IL16: variants seen among roughly 807,000 people sequenced by gnomAD.
The protein encoded by IL16 is interleukin 16, also known as pro-interleukin-16.
Under a neutral mutation model 110.1 loss-of-function variants are expected in IL16, and 67 were observed. The observed-to-expected ratio is 0.61, with a 90% confidence interval of 0.50 to 0.75. The LOEUF is 0.75. IL16 is among the 30% of genes least tolerant of loss of function. The pLI is 0.00. For missense variants in IL16, 1,545 were observed against 1,655.0 expected (o/e 0.93, Z 1.15); for synonymous variants, 689 against 662.9 (o/e 1.04, Z -0.61).
chr15:81,307,154 T>A (rs1367601113), intron 18 of IL16, among the ~76,000 whole-genome samples: 1 of 152,192 alleles, frequency 6.6e-6, no homozygotes, highest in East Asian at 1.9e-4. Flanking sequence ...GTGGCTACCA[T>A]GTAAAACCAT....
Position 81,313,557 on chromosome 15 carries a change from C to G in IL16, c.*4759C>G. 1 of 581,136 alleles carries G rather than the reference C, an allele frequency of 1.7e-6. No homozygotes were observed. The highest frequency in any genetic ancestry group is 1.9e-5 in the African/African-American group (1 of 52,120). The allele number at this position is 581,136 out of a possible 1,614,324, so 36.0% of individuals were successfully genotyped here. A position where few individuals can be genotyped will look rare whatever the true frequency, so the allele number is the denominator to read the frequency against. ...TGTGCCCTCCACCCAGGAGTCCTCT[C>G]TGGACCTGCTGATTTTCAGGATGGA... On this transcript the variant is annotated 3_prime_UTR_variant, in exon 19 of 19. Coordinates refer to ENST00000683961, the MANE Select transcript of IL16 (RefSeq NM_172217.5).
At chr15:81,224,355 T>C (rs1483531432) in intron 1 of IL16, among the ~76,000 whole-genome samples, 1 of 152,208 alleles carries the variant, frequency 6.6e-6, no homozygotes, top group East Asian at 1.9e-4. Context: ...GTCAGAACTT[T>C]TTAGGATACA....
rs1166210168 is a variant in IL16 at position 81,204,074 on chromosome 15, CTT to C, written c.-102+6924_-102+6925del. Among the ~76,000 whole-genome samples the C allele has an allele frequency of 5.9e-5, 9 of 151,818 alleles. No individual in the cohort carries two copies. The East Asian group carries it at 1.6e-3, about 26-fold the overall frequency. ...GTTGGATTCCTAGGTATTTTATTCT[CTT>C]TGAAGCAATTGTGAATGGGAGTTCA... On this transcript the variant is annotated intron_variant, in intron 1 of 18. Coordinates refer to ENST00000683961, the MANE Select transcript of IL16 (RefSeq NM_172217.5).
intron 1 of IL16, among the ~76,000 whole-genome samples, chr15:81,219,618 G>T (rs1896548798): frequency 1.3e-5 from 2 of 152,136 alleles, no homozygotes; most frequent in South Asian, 2.1e-4. Context: ...CCTGTGAGGG[G>T]CTTCTCCAGG....
chr15:81,232,050 T>TTTTG (rs1897017098), intron 2 of IL16, among the ~76,000 whole-genome samples: 1 of 116,294 alleles, frequency 8.6e-6, no homozygotes, highest in Non-Finnish European at 1.9e-5. Context: ...TTGTTTTTTT[T>TTTTG]TTTTTTTTTT....
chr15:81,219,409 C>G (rs929262568), intron 1 of IL16, among the ~76,000 whole-genome samples: 4 of 151,880 alleles, frequency 2.6e-5, no homozygotes, highest in African/African-American at 9.7e-5. Context: ...CTCCTTCTTG[C>G]GATTGACTAT....
At chr15:81,200,479 C>T (rs1895768826) in intron 1 of IL16, among the ~76,000 whole-genome samples, 1 of 152,260 alleles carries the variant, frequency 6.6e-6, no homozygotes, top group South Asian at 2.1e-4. Context: ...AGGTGATTCT[C>T]CCCCTTCAGC....
chr15:81,194,296 A>C (rs1895545168), upstream of IL16, among the ~76,000 whole-genome samples: 1 of 152,180 alleles, frequency 6.6e-6, no homozygotes, highest in Non-Finnish European at 1.5e-5. Context: ...TTTGAACAGA[A>C]TAGGAGATGA....
chr15:81,203,731 A>G (rs1409733730), intron 1 of IL16, among the ~76,000 whole-genome samples: 1 of 152,162 alleles, frequency 6.6e-6, no homozygotes, highest in East Asian at 1.9e-4. Context: ...GCAGCCTTGT[A>G]GTATAGTTTG....
chr15:81,194,848 G>A (rs2141930418), upstream of IL16, among the ~76,000 whole-genome samples: 1 of 152,224 alleles, frequency 6.6e-6, no homozygotes, highest in Admixed American at 6.5e-5. Flanking sequence ...TTTCATCGTA[G>A]CAAACTAAGG....
intron 2 of IL16, among the ~76,000 whole-genome samples, chr15:81,227,164 G>T (rs535179617): frequency 6.6e-6 from 1 of 152,212 alleles, no homozygotes; most frequent in African/African-American, 2.4e-5. Flanking sequence ...CCTTCATTCA[G>T]TAAATACTTA....
At chr15:81,221,708 G>A (rs1460885030) in intron 1 of IL16, among the ~76,000 whole-genome samples, 1 of 151,862 alleles carries the variant, frequency 6.6e-6, no homozygotes, top group Non-Finnish European at 1.5e-5. Flanking sequence ...ATAATGACAA[G>A]GCTCATTTTG....
At chr15:81,267,207 G>T (rs1473917011) in intron 4 of IL16, among the ~76,000 whole-genome samples, 1 of 152,166 alleles carries the variant, frequency 6.6e-6, no homozygotes, top group South Asian at 2.1e-4. Flanking sequence ...GGGAACAGGA[G>T]GCCTACCTGG....
Position 81,264,416 on chromosome 15 carries a change from A to G in IL16, c.422-1243A>G, listed in dbSNP as rs1338340870. ...CCCCTTTTAGGGATCTCACACCCTCAGAGATACCACTCCTCTTTTCTTCTC... is the reference window on the plus strand; with the variant it reads ...CCCCTTTTAGGGATCTCACACCCTCGGAGATACCACTCCTCTTTTCTTCTC... On this transcript the variant is annotated intron_variant, in intron 3 of 18. Coordinates refer to ENST00000683961, the MANE Select transcript of IL16 (RefSeq NM_172217.5). Among the ~76,000 whole-genome samples, 3 of 152,202 alleles carry G rather than the reference A, an allele frequency of 2.0e-5. No individual in the cohort carries two copies. The East Asian group carries it at 5.8e-4, about 29-fold the overall frequency.
chr15:81,239,279 C>T (rs751287023), intron 2 of IL16, among the ~76,000 whole-genome samples: 3 of 152,156 alleles, frequency 2.0e-5, no homozygotes, highest in Non-Finnish European at 4.4e-5. Context: ...TTAGGATTAG[C>T]ATGTAGTTCT....
Position 81,285,553 on chromosome 15 carries a change from G to A in IL16, c.1200-145G>A, listed in dbSNP as rs987518692. The A allele has an allele frequency of 6.5e-6, 5 of 771,834 alleles. No individual in the cohort carries two copies. The African/African-American group carries it at 8.8e-5, about 14-fold the overall frequency. 47.8% of individuals were successfully genotyped at this position (771,834 alleles called of 1,614,324 possible). On this transcript the variant is annotated intron_variant, in intron 9 of 18. Coordinates refer to ENST00000683961, the MANE Select transcript of IL16 (RefSeq NM_172217.5). ...TTTGGTCTGCCCTGTTCTGAGTTTT[G>A]GTCTGGTGGCTAGTGGGGTCTACTT...
intron 2 of IL16, among the ~76,000 whole-genome samples, chr15:81,249,441 T>G (rs915861250): frequency 2.0e-5 from 3 of 152,194 alleles, no homozygotes; most frequent in Admixed American, 2.0e-4. Context: ...GACCTTTATT[T>G]TACTCATTTT....
intron 1 of IL16, among the ~76,000 whole-genome samples, chr15:81,186,722 T>TA (rs1276768957): frequency 6.6e-6 from 1 of 152,290 alleles, no homozygotes; most frequent in Non-Finnish European, 1.5e-5. Flanking sequence ...CTATGTCCAC[T>TA]ATCTAGATTC....
chr15:81,229,983 C>G (rs930956805), intron 2 of IL16, among the ~76,000 whole-genome samples: 2 of 151,770 alleles, frequency 1.3e-5, no homozygotes, highest in Non-Finnish European at 2.9e-5. Context: ...TTTTTAAAGC[C>G]TTATTGGATG....
Sources: allele counts gnomAD v4.1 joint callset (sites outside exome capture counted in the v4.1 genomes callset), GRCh38; gene constraint gnomAD v4.1.1; transcripts MANE v1.5; gene names NCBI Gene and HGNC (gene_info 2026-07-23, HGNC 2026-07-21).